IL1RAPL1: variants seen among roughly 807,000 people sequenced by gnomAD.
IL1RAPL1 encodes interleukin-1 receptor accessory protein-like 1.
IL1RAPL1 carries 3 observed loss-of-function variants against 48.4 expected under a neutral mutation model. That is an observed-to-expected ratio of 0.06 (90% confidence interval 0.03 to 0.16). The LOEUF (loss-of-function observed/expected upper bound fraction) is 0.16, where lower values mean the gene tolerates loss of function less well. IL1RAPL1 is among the 10% of genes least tolerant of loss of function. IL1RAPL1 has a pLI of 1.00. For synonymous variants in IL1RAPL1, 185 were observed against 187.7 expected (o/e 0.99, Z 0.12); for missense variants, 349 against 530.6 (o/e 0.66, Z 3.36).
At chrX:29,378,374 T>C (rs1933650500) in intron 3 of IL1RAPL1, among the ~76,000 whole-genome samples, 1 of 111,281 alleles carries the variant, frequency 9.0e-6, no homozygotes, top group South Asian at 3.7e-4. Flanking sequence ...TCTGTCATTT[T>C]AGTCGTGTCA....
At chrX:28,693,644 T>A (rs1340852068) in intron 1 of IL1RAPL1, among the ~76,000 whole-genome samples, 4 of 112,489 alleles carry the variant, frequency 3.6e-5, no homozygotes, top group African/African-American at 1.3e-4. Flanking sequence ...TGAATCTTTT[T>A]AATTTTCTTC....
intron 2 of IL1RAPL1, among the ~76,000 whole-genome samples, chrX:28,820,983 G>A (rs759509546): frequency 2.7e-5 from 3 of 111,622 alleles, no homozygotes; most frequent in African/African-American, 9.7e-5. Context: ...CAAAGGGGCC[G>A]TAATGATGCT....
At chrX:29,661,301 T>C (rs1392770393) in intron 5 of IL1RAPL1, among the ~76,000 whole-genome samples, 2 of 112,460 alleles carry the variant, frequency 1.8e-5, no homozygotes, top group Admixed American at 9.4e-5. Flanking sequence ...CAAATTTGAA[T>C]GCCATGTATT....
At chrX:29,894,860 G>A (rs1476393362) in intron 6 of IL1RAPL1, among the ~76,000 whole-genome samples, 1 of 110,204 alleles carries the variant, frequency 9.1e-6, no homozygotes, top group African/African-American at 3.3e-5. Context: ...ACGGAGTCTT[G>A]CTCTACCACC....
At chrX:29,410,460 C>CAA (rs751676116) in intron 5 of IL1RAPL1, among the ~76,000 whole-genome samples, 1 of 89,754 alleles carries the variant, frequency 1.1e-5, no homozygotes, top group African/African-American at 4.0e-5. Context: ...GACTCTGTGT[C>CAA]AAAAAAAAAA....
chrX:28,753,872 A>AT (rs768064632), intron 1 of IL1RAPL1, among the ~76,000 whole-genome samples: 143 of 109,280 alleles, frequency 1.3e-3, no homozygotes, highest in Non-Finnish European at 2.0e-3. Flanking sequence ...CTGTGAAGTC[A>AT]TTTTTTTAAG....
At chrX:29,306,575 A>C (rs1178055043) in intron 3 of IL1RAPL1, among the ~76,000 whole-genome samples, 1 of 100,527 alleles carries the variant, frequency 9.9e-6, no homozygotes, top group Non-Finnish European at 2.0e-5. Flanking sequence ...GAAATAGTTT[A>C]TTTATGGCCA....
intron 3 of IL1RAPL1, among the ~76,000 whole-genome samples, chrX:29,359,391 T>C (rs778059009): frequency 1.8e-5 from 2 of 111,657 alleles, no homozygotes; most frequent in Admixed American, 9.5e-5. Context: ...GACTTCAGAG[T>C]ACTATCAGTC....
chrX:28,792,754 C>T (rs1936554707), intron 2 of IL1RAPL1, among the ~76,000 whole-genome samples: 1 of 75,901 alleles, frequency 1.3e-5, no homozygotes, highest in African/African-American at 5.3e-5. Context: ...CGCCACTGCA[C>T]TCCAGCCTGG....
chrX:29,900,330 G>A (rs778142102), intron 6 of IL1RAPL1, among the ~76,000 whole-genome samples: 1 of 112,136 alleles, frequency 8.9e-6, no homozygotes, highest in African/African-American at 3.2e-5. Flanking sequence ...TAAATCTAAT[G>A]ATTACAATTT....
intron 5 of IL1RAPL1, among the ~76,000 whole-genome samples, chrX:29,631,500 C>T (rs779672123): frequency 7.2e-5 from 8 of 111,822 alleles, no homozygotes; most frequent in African/African-American, 2.6e-4. Flanking sequence ...AGGCTGGGCT[C>T]GAACTCCTGG....
At chrX:29,713,661 A>G (rs1927410437) in intron 6 of IL1RAPL1, among the ~76,000 whole-genome samples, 2 of 111,564 alleles carry the variant, frequency 1.8e-5, no homozygotes, top group Admixed American at 9.6e-5. Flanking sequence ...AAATTTGAAC[A>G]GCAGTGTAGA....
rs375495152 is a variant in IL1RAPL1, at chrX:29,922,840, A to G, written c.1057+2746A>G. Among the ~76,000 whole-genome samples the G allele has an allele frequency of 3.9e-4, 44 of 111,890 alleles. 1 individual carries two copies. Among genetic ancestry groups the G allele is most frequent in the African/African-American group, 1.3e-3 (40 of 30,867 alleles). On this transcript the variant is annotated intron_variant, in intron 8 of 10. Transcript: ENST00000378993. ...ACTGGAAGCTTTCACTATTAATTGT[A>G]TTTTTCTGCCACTTACTCATAAATT...
At chrX:28,995,961 A>G (rs970331322) in intron 2 of IL1RAPL1, among the ~76,000 whole-genome samples, 2 of 111,236 alleles carry the variant, frequency 1.8e-5, no homozygotes, top group Non-Finnish European at 3.8e-5. Flanking sequence ...TTTACATACT[A>G]TATAATTTAC....
chrX:28,772,368 G>T (rs1290734991), intron 1 of IL1RAPL1, among the ~76,000 whole-genome samples: 1 of 111,358 alleles, frequency 9.0e-6, no homozygotes, highest in Non-Finnish European at 1.9e-5. Flanking sequence ...TAGCTTTTCT[G>T]CTGGGGTGAT....
At chrX:29,459,527 G>C (rs1262160399) in intron 5 of IL1RAPL1, among the ~76,000 whole-genome samples, 1 of 111,358 alleles carries the variant, frequency 9.0e-6, no homozygotes, top group Admixed American at 9.6e-5. Flanking sequence ...GAGCGGATTG[G>C]AAGAGTGTCA....
Position 29,315,901 on chromosome X carries a change from A to T in IL1RAPL1, c.362+32684A>T, listed in dbSNP as rs530358640. Among the ~76,000 whole-genome samples the T allele has an allele frequency of 6.2e-5, 7 of 112,164 alleles. No homozygotes were observed. The South Asian group carries it at 2.6e-3, about 41-fold the overall frequency. On this transcript the variant is annotated intron_variant, in intron 3 of 10. Transcript: ENST00000378993. ...AAGACAGAAGTAGATGTTGGGATAAATTAGAGTATTGGGATAAAGAAGAAA... is the reference window on the plus strand; with the variant it reads ...AAGACAGAAGTAGATGTTGGGATAATTTAGAGTATTGGGATAAAGAAGAAA...
chrX:29,703,568 C>T (rs1254624488), intron 6 of IL1RAPL1, among the ~76,000 whole-genome samples: 1 of 111,612 alleles, frequency 9.0e-6, no homozygotes, highest in Non-Finnish European at 1.9e-5. Context: ...TGGTCTCGAT[C>T]TCCTGACCTC....
intron 1 of IL1RAPL1, among the ~76,000 whole-genome samples, chrX:28,722,499 G>A (rs777853466): frequency 0.025 from 2,838 of 111,299 alleles, 46 homozygotes; most frequent in Middle Eastern, 0.051. Flanking sequence ...GGGCTGAGAC[G>A]ATGGGGTTTT....
Sources: gnomAD v4.1 joint callset for allele counts (sites outside exome capture counted in the v4.1 genomes callset) on GRCh38, gnomAD v4.1.1 for gene constraint, MANE v1.5 for transcripts, NCBI Gene and HGNC (gene_info 2026-07-23, HGNC 2026-07-21) for gene names.